The following TBL1XR1 variants were observed in gnomAD, a reference collection of about 807,000 sequenced individuals.
The protein encoded by TBL1XR1 is TBL1X/Y related 1.
A neutral mutation model predicts 66.9 loss-of-function variants in TBL1XR1; 5 were observed. The observed-to-expected ratio is 0.07, with a 90% CI of 0.04 to 0.16. TBL1XR1 has a LOEUF of 0.16. Ranked by LOEUF, TBL1XR1 falls within the 10% of genes least tolerant of loss-of-function variation. TBL1XR1 has a pLI of 1.00. For missense variants in TBL1XR1, 238 were observed against 623.2 expected, an observed-to-expected ratio of 0.38 and a Z score of 6.58; for synonymous variants, 210 against 206.0, an observed-to-expected ratio of 1.02 and a Z score of -0.17.
intron 1 of TBL1XR1, among the ~76,000 whole-genome samples, chr3:177,151,222 C>T (rs1219194254): frequency 6.6e-6 from 1 of 152,212 alleles, no homozygotes; most frequent in Non-Finnish European, 1.5e-5. Flanking sequence ...TCACATTGAA[C>T]CACCTCTCCT....
At chr3:177,083,423 T>A (rs1721696271) in intron 2 of TBL1XR1, among the ~76,000 whole-genome samples, 1 of 152,230 alleles carries the variant, frequency 6.6e-6, no homozygotes. Flanking sequence ...TCTTTCTGCA[T>A]CATAAGCAGG....
At position 177,186,031 on chromosome 3, in the gene TBL1XR1, A is replaced by G. The variant is rs911273196; in HGVS notation, c.-122+11090T>C. On this transcript the variant is annotated intron_variant, in intron 1 of 15. Transcript: ENST00000457928. Reference sequence around the variant, plus strand: ...GCCTCAAATAAATAAATAAATAAATATAAGTAAATAAAGGAACACTTCACA... The same window carrying G: ...GCCTCAAATAAATAAATAAATAAATGTAAGTAAATAAAGGAACACTTCACA... Among the ~76,000 whole-genome samples the G allele has an allele frequency of 3.3e-5, 5 of 152,214 alleles. No individual in the cohort carries two copies. In the East Asian group the frequency reaches 9.6e-4, roughly 29 times the overall value.
intron 2 of TBL1XR1, among the ~76,000 whole-genome samples, chr3:177,072,880 A>G (rs1051800061): frequency 9.2e-5 from 14 of 152,178 alleles, no homozygotes; most frequent in African/African-American, 3.4e-4. Flanking sequence ...CCTGGCCAAC[A>G]TGGCGAAACC....
chr3:177,052,759 T>A (rs1411741122), intron 4 of TBL1XR1, among the ~76,000 whole-genome samples: 1 of 152,114 alleles, frequency 6.6e-6, no homozygotes, highest in East Asian at 1.9e-4. Flanking sequence ...AAGGGGAACA[T>A]GTTAATCTCT....
rs776925364 is a variant in TBL1XR1, at chr3:177,069,785, A to AGG, written c.-45-4764_-45-4763insCC. Among the ~76,000 whole-genome samples the AGG allele has an allele frequency of 6.1e-4, 41 of 67,620 alleles. 1 individual carries two copies. The highest frequency in any genetic ancestry group is 2.6e-3 in the African/African-American group (37 of 14,406). 44.4% of individuals were successfully genotyped at this position (67,620 alleles called of 152,430 possible). ...GAAAGAAAGGAAGGAAAGGAAGGAA[A>AGG]AGGAAGGAAAGGAAGGAAGGAAGGA... On this transcript the variant is annotated intron_variant, in intron 2 of 15. Coordinates refer to ENST00000457928, the MANE Select transcript of TBL1XR1 (RefSeq NM_024665.7).
At chr3:177,100,574 G>GC (rs1354034397) in intron 1 of TBL1XR1, among the ~76,000 whole-genome samples, 1 of 151,952 alleles carries the variant, frequency 6.6e-6, no homozygotes, top group Non-Finnish European at 1.5e-5. Context: ...ACAGGTACAA[G>GC]CCACCACGCC....
intron 1 of TBL1XR1, among the ~76,000 whole-genome samples, chr3:177,163,031 C>A (rs1378033666): frequency 6.6e-6 from 1 of 152,128 alleles, no homozygotes. Context: ...TTTGACCCAG[C>A]AATTCCAATT....
chr3:177,114,632 A>G (rs1388267783), intron 1 of TBL1XR1, among the ~76,000 whole-genome samples: 1 of 152,072 alleles, frequency 6.6e-6, no homozygotes, highest in Non-Finnish European at 1.5e-5. Flanking sequence ...TGTGTTGCAC[A>G]TGACAAAAAC....
intron 1 of TBL1XR1, among the ~76,000 whole-genome samples, chr3:177,152,225 G>T (rs1010099817): frequency 6.6e-6 from 1 of 152,122 alleles, no homozygotes; most frequent in Non-Finnish European, 1.5e-5. Context: ...AACCTTTTAA[G>T]TTGCTACATT....
At position 177,022,841 on chromosome 3, in the gene TBL1XR1, G is replaced by C. The variant is rs995782999; in HGVS notation, c.*2657C>G. ...CATCAGCAGGCAATGATGATGTTGA[G>C]AACAGCAGCAAAAATAAACAATCGT... On this transcript the variant is annotated 3_prime_UTR_variant, in exon 16 of 16. Coordinates refer to ENST00000457928, the MANE Select transcript of TBL1XR1 (RefSeq NM_024665.7). 1 of 152,372 alleles carries C rather than the reference G, an allele frequency of 6.6e-6. No homozygotes were observed. The highest frequency in any genetic ancestry group is 1.5e-5 in the Non-Finnish European group (1 of 67,918). 9.4% of individuals were successfully genotyped at this position (152,372 alleles called of 1,614,324 possible). A position where few individuals can be genotyped will look rare whatever the true frequency, so the allele number is the denominator to read the frequency against.
intron 3 of TBL1XR1, among the ~76,000 whole-genome samples, chr3:177,062,475 A>T (rs1718641108): frequency 6.6e-6 from 1 of 152,214 alleles, no homozygotes; most frequent in African/African-American, 2.4e-5. Flanking sequence ...CAGAATTCTT[A>T]ACATAAGCAG....
chr3:177,035,521 C>G (rs1714657302), intron 12 of TBL1XR1, among the ~76,000 whole-genome samples: 1 of 151,094 alleles, frequency 6.6e-6, no homozygotes, highest in Non-Finnish European at 1.5e-5. Context: ...TCACGCAATT[C>G]TCCTGCCTCA....
At chr3:177,032,118 T>C (rs1714089564) in intron 14 of TBL1XR1, among the ~76,000 whole-genome samples, 1 of 152,172 alleles carries the variant, frequency 6.6e-6, no homozygotes, top group Non-Finnish European at 1.5e-5. Flanking sequence ...TCAGCAGTAG[T>C]GTAAAATGGA....
intron 1 of TBL1XR1, among the ~76,000 whole-genome samples, chr3:177,192,300 T>G (rs996753395): frequency 6.6e-6 from 1 of 151,268 alleles, no homozygotes; most frequent in Non-Finnish European, 1.5e-5. Context: ...GAGAATCGCT[T>G]GAACCCAGGA....
chr3:177,038,055 T>C, intron 12 of TBL1XR1, 43 bp downstream of exon 12: 1 of 1,575,372 alleles, frequency 6.3e-7, no homozygotes, highest in Non-Finnish European at 8.7e-7. Flanking sequence ...GCAACCATAC[T>C]GTGTGACACC....
At chr3:177,053,680 TAA>T (rs1198482104) in intron 4 of TBL1XR1, 91 bp downstream of exon 4, 1 of 1,280,386 alleles carries the variant, frequency 7.8e-7, no homozygotes, top group Admixed American at 2.1e-5. Flanking sequence ...CCTGTGAAGC[TAA>T]AGTCAGAATA....
At chr3:177,125,104 CAA>C (rs1727450695) in intron 1 of TBL1XR1, among the ~76,000 whole-genome samples, 2 of 151,258 alleles carry the variant, frequency 1.3e-5, no homozygotes, top group Non-Finnish European at 2.9e-5. Flanking sequence ...ATTTTCATTT[CAA>C]AAGACAACAT....
intron 1 of TBL1XR1, among the ~76,000 whole-genome samples, chr3:177,122,339 G>T (rs1727075070): frequency 6.6e-6 from 1 of 150,680 alleles, no homozygotes; most frequent in African/African-American, 2.4e-5. Flanking sequence ...TAGGAATTCA[G>T]TTAAGAATGT....
chr3:177,102,195 T>A (rs547369383), intron 1 of TBL1XR1, among the ~76,000 whole-genome samples: 1 of 152,336 alleles, frequency 6.6e-6, no homozygotes, highest in South Asian at 2.1e-4. Flanking sequence ...TCTTCATTCA[T>A]TCATTTAACT....
Sources: gnomAD v4.1 joint callset for allele counts (sites outside exome capture counted in the v4.1 genomes callset) on GRCh38, gnomAD v4.1.1 for gene constraint, MANE v1.5 for transcripts, NCBI Gene and HGNC (gene_info 2026-07-23, HGNC 2026-07-21) for gene names.